PCDHGA7: variants seen among roughly 807,000 people sequenced by gnomAD.
PCDHGA7 encodes the protein protocadherin gamma-A7.
Under a neutral mutation model 58.3 loss-of-function variants are expected in PCDHGA7, and 44 were observed. That is an observed-to-expected ratio of 0.75 (90% CI 0.59 to 0.97). PCDHGA7 has a LOEUF of 0.97. PCDHGA7 is among the 50% of genes least tolerant of loss of function. PCDHGA7 has a pLI of 0.00. For missense variants in PCDHGA7, 1,266 were observed against 1,188.7 expected (o/e 1.06, Z -0.96); for synonymous variants, 516 against 504.2 (o/e 1.02, Z -0.31).
At chr5:141,438,635 T>TATAC (rs1460604450) in intron 1 of PCDHGA7, among the ~76,000 whole-genome samples, 1 of 33,416 alleles carries the variant, frequency 3.0e-5, no homozygotes, top group Admixed American at 4.2e-4. Context: ...TATATATATA[T>TATAC]ACACACACAC....
At chr5:141,392,131 T>C (rs1434001990) in intron 1 of PCDHGA7, 2 of 152,204 alleles carry the variant, frequency 1.3e-5, no homozygotes, top group African/African-American at 4.8e-5. Flanking sequence ...TGTAAAATGA[T>C]TAAGTAGTTT....
intron 1 of PCDHGA7, chr5:141,404,291 G>A (rs755978034): frequency 6.2e-7 from 1 of 1,613,956 alleles, no homozygotes; most frequent in Non-Finnish European, 8.5e-7. Context: ...TGACATCAAT[G>A]ATAATCCACC....
At chr5:141,409,870 T>A (rs980871481) in intron 1 of PCDHGA7, 2 of 1,612,670 alleles carry the variant, frequency 1.2e-6, no homozygotes, top group Admixed American at 1.7e-5. Context: ...GAGACCGCAA[T>A]GACAACGCAC....
chr5:141,400,319 C>G (rs762588918), intron 1 of PCDHGA7: 1 of 1,613,974 alleles, frequency 6.2e-7, no homozygotes, highest in African/African-American at 1.3e-5. Context: ...TGTGTCAAGT[C>G]TGGACCTGTG....
intron 1 of PCDHGA7, chr5:141,422,347 G>A (rs1456770985): frequency 3.9e-6 from 6 of 1,553,980 alleles, no homozygotes; most frequent in Non-Finnish European, 5.2e-6. Context: ...AAATGTGCAA[G>A]ATCAAGATTC....
intron 1 of PCDHGA7, chr5:141,422,634 T>C: frequency 1.9e-6 from 3 of 1,612,682 alleles, no homozygotes; most frequent in Non-Finnish European, 2.5e-6. Flanking sequence ...ACCCCAGGGG[T>C]GCCTCCATCT....
chr5:141,496,795 T>C (rs886559302), intron 2 of PCDHGA7, among the ~76,000 whole-genome samples: 27 of 151,976 alleles, frequency 1.8e-4, no homozygotes, highest in Middle Eastern at 3.4e-3. Flanking sequence ...GTGCTAAACA[T>C]TGGGCTATAG....
intron 1 of PCDHGA7, among the ~76,000 whole-genome samples, chr5:141,449,921 C>T (rs2098659300): frequency 6.6e-6 from 1 of 151,648 alleles, no homozygotes; most frequent in African/African-American, 2.4e-5. Flanking sequence ...TTAAATTCTA[C>T]CATACCTTAT....
intron 1 of PCDHGA7, among the ~76,000 whole-genome samples, chr5:141,450,782 C>G (rs1012152203): frequency 6.6e-6 from 1 of 151,236 alleles, no homozygotes; most frequent in Non-Finnish European, 1.5e-5. Context: ...CCACCGTGCC[C>G]GGACCTCATG....
intron 1 of PCDHGA7, among the ~76,000 whole-genome samples, chr5:141,450,013 T>A (rs1178482524): frequency 7.4e-6 from 1 of 135,940 alleles, no homozygotes; most frequent in African/African-American, 3.2e-5. Flanking sequence ...TCTCTTTTTT[T>A]TTTTTTTTTT....
intron 2 of PCDHGA7, among the ~76,000 whole-genome samples, chr5:141,503,222 G>A (rs540244346): frequency 2.2e-4 from 34 of 152,120 alleles, no homozygotes; most frequent in African/African-American, 7.7e-4. Context: ...CATGAGCACC[G>A]TAAAGATGGA....
At chr5:141,424,547 T>A (rs1484479408) in intron 1 of PCDHGA7, 2 of 152,238 alleles carry the variant, frequency 1.3e-5, no homozygotes, top group African/African-American at 4.8e-5. Flanking sequence ...AACTTGATTT[T>A]GATTCAGTGC....
rs1319923403 is a variant in PCDHGA7 at position 141,383,360 on chromosome 5, T to A, written c.461T>A (p.Leu154Ter). 6.2e-7 allele frequency: 1 copy of A among 1,613,888 alleles called. No homozygotes were observed. The highest frequency in any genetic ancestry group is 8.5e-7 in the Non-Finnish European group (1 of 1,179,910). ...ENTAPGVRFPLSEAGDPDVGT... is the reference protein window; with the variant it reads ...ENTAPGVRFP Reference sequence around the variant, plus strand: ...ACAGCTCCTGGGGTTCGGTTTCCGTTAAGCGAGGCTGGGGATCCAGATGTG... The same window carrying A: ...ACAGCTCCTGGGGTTCGGTTTCCGTAAAGCGAGGCTGGGGATCCAGATGTG... The change falls in exon 1 of 4, where the codon TTA becomes TAA. Residue 154 changes from leucine (L) to a stop codon, truncating the protein, a stop_gained. Coordinates refer to ENST00000518325, the MANE Select transcript of PCDHGA7 (RefSeq NM_018920.4). LOFTEE classifies it high-confidence loss of function.
chr5:141,422,876 G>A (rs2096681830), intron 1 of PCDHGA7: 1 of 1,614,248 alleles, frequency 6.2e-7, no homozygotes, highest in Non-Finnish European at 8.5e-7. Context: ...GTGTCGCTGA[G>A]CCTGTTCGTG....
rs150692324 is a variant in PCDHGA7 at position 141,431,149 on chromosome 5, G to T, written c.2424+45826G>T. 1.2e-6 allele frequency: 2 copies of T among 1,614,210 alleles called. No homozygotes were observed. Among genetic ancestry groups the T allele is most frequent in the Non-Finnish European group, 1.7e-6 (2 of 1,180,020 alleles). ...AAGTAAGGGACATTAACGACAATGC[G>T]CCTTACTTTCGTGAAAGTGAATTAG... On this transcript the variant is annotated intron_variant, in intron 1 of 3. Coordinates refer to ENST00000518325, the MANE Select transcript of PCDHGA7 (RefSeq NM_018920.4). This position sits in a 1 kb window ranked among gnomAD's most constrained non-coding sequence, Gnocchi z 4.8.
At chr5:141,464,327 C>G (rs893319708) in intron 1 of PCDHGA7, among the ~76,000 whole-genome samples, 15 of 150,890 alleles carry the variant, frequency 9.9e-5, no homozygotes, top group African/African-American at 3.7e-4. Flanking sequence ...TCTGTTCAAC[C>G]CATCTATGAC....
chr5:141,399,300 C>T (rs985419238), intron 1 of PCDHGA7: 3 of 1,613,792 alleles, frequency 1.9e-6, no homozygotes, highest in Non-Finnish European at 2.5e-6. Flanking sequence ...TTAAGATTAT[C>T]TCTTCATCCA....
intron 1 of PCDHGA7, chr5:141,415,561 T>C (rs11575963): frequency 0.067 from 108,836 of 1,614,090 alleles, 4,260 homozygotes; most frequent in Non-Finnish European, 0.077. Context: ...CGATCCTTTG[T>C]CTTTGTTAGA....
At position 141,413,304 on chromosome 5, in the gene PCDHGA7, A is replaced by T; in HGVS notation, c.2424+27981A>T. The T allele has an allele frequency of 1.9e-6, 3 of 1,613,982 alleles. No individual in the cohort carries two copies. The Admixed American group carries it at 5.0e-5, about 27-fold the overall frequency. On this transcript the variant is annotated intron_variant, in intron 1 of 3. Transcript: ENST00000518325. Reference sequence around the variant, plus strand: ...TCTCCTACTCAATTCCTGAGGAATTAGAGAAAGGCTCTTTCGTGGGCAACA... The same window carrying T: ...TCTCCTACTCAATTCCTGAGGAATTTGAGAAAGGCTCTTTCGTGGGCAACA...
Sources: allele counts gnomAD v4.1 joint callset (sites outside exome capture counted in the v4.1 genomes callset), GRCh38; gene constraint gnomAD v4.1.1; non-coding constraint Gnocchi (gnomAD v3.1); transcripts MANE v1.5; gene names NCBI Gene and HGNC (gene_info 2026-07-23, HGNC 2026-07-21).